Variants in HIVEP1 observed in about 807,000 individuals in gnomAD.
The protein encoded by HIVEP1 is zinc finger protein 40.
In HIVEP1, 36 loss-of-function variants were observed where a neutral mutation model predicts 180.0. That is an observed-to-expected ratio of 0.20 (90% CI 0.15 to 0.26). The LOEUF is 0.26. Among genes scored for constraint, HIVEP1 ranks in the 10% least tolerant of loss-of-function variants. The pLI is 1.00. For synonymous variants in HIVEP1, 1,239 were observed against 1,239.0 expected (o/e 1.00, Z 0.00); for missense variants, 3,143 against 3,268.7 (o/e 0.96, Z 0.94).
intron 7 of HIVEP1, among the ~76,000 whole-genome samples, chr6:12,158,610 A>G (rs1760203259): frequency 6.6e-6 from 1 of 151,738 alleles, no homozygotes; most frequent in African/African-American, 2.4e-5. Flanking sequence ...TACCTGCACC[A>G]TTTTCTTAGG....
chr6:12,133,181 A>T (rs1164792434), intron 6 of HIVEP1, among the ~76,000 whole-genome samples: 1 of 152,184 alleles, frequency 6.6e-6, no homozygotes, highest in Admixed American at 6.5e-5. Flanking sequence ...ATAATTCATT[A>T]TTTGCCCTCT....
chr6:12,117,924 C>T (rs558600265), intron 3 of HIVEP1, among the ~76,000 whole-genome samples: 1 of 152,282 alleles, frequency 6.6e-6, no homozygotes, highest in South Asian at 2.1e-4. Flanking sequence ...TTCACTTTGC[C>T]TACTTGCCTG....
At chr6:12,195,665 T>C in the HIVEP1 span, among the ~76,000 whole-genome samples, 4 of 22,828 alleles carry the variant, frequency 1.8e-4, no homozygotes, top group African/African-American at 3.2e-4. Flanking sequence ...ATACAGAATT[T>C]AACTACTGGT....
Position 12,122,956 on chromosome 6 carries a change from G to T in HIVEP1, c.3161G>T (p.Ser1054Ile). The T allele has an allele frequency of 6.2e-7, 1 of 1,614,000 alleles. No individual in the cohort carries two copies. Among genetic ancestry groups the T allele is most frequent in the South Asian group, 1.1e-5 (1 of 91,084 alleles). Reference sequence around the variant, plus strand: ...AATGAAAGTGGAACATCTCCAAAAAGTTCTGAAGGCCTTCAGTTTCAGAAT... The same window carrying T: ...AATGAAAGTGGAACATCTCCAAAAATTTCTGAAGGCCTTCAGTTTCAGAAT... ...QQNESGTSPK[S>I]SEGLQFQNAL... Residue 1054 changes from serine (S) to isoleucine (I), a missense_variant, in exon 4 of 9, where the codon AGT becomes ATT. Around this residue, in one of 12 missense-constraint regions of HIVEP1, gnomAD observed 1,357 missense variants for 1,260.5 expected, o/e 1.08. Transcript: ENST00000379388.
intron 2 of HIVEP1, among the ~76,000 whole-genome samples, chr6:12,021,014 C>G (rs1768162139): frequency 6.6e-6 from 1 of 151,786 alleles, no homozygotes; most frequent in African/African-American, 2.4e-5. Context: ...CCTCAGCCTC[C>G]CAAGTAGCTG....
intron 2 of HIVEP1, among the ~76,000 whole-genome samples, chr6:12,053,894 A>C (rs1331230691): frequency 6.6e-6 from 1 of 152,196 alleles, no homozygotes; most frequent in Admixed American, 6.5e-5. Flanking sequence ...ACTTAAGGTC[A>C]TTATTTTTTT....
intron 5 of HIVEP1, among the ~76,000 whole-genome samples, chr6:12,130,215 A>G (rs1357949105): frequency 6.6e-6 from 1 of 152,254 alleles, no homozygotes; most frequent in Non-Finnish European, 1.5e-5. Flanking sequence ...TTCATTGCCC[A>G]TTAGATATCT....
rs776660334 is a variant in HIVEP1, at chr6:12,161,773, G to A, written c.6822G>A (p.Pro2274=). The A allele has an allele frequency of 1.7e-5, 28 of 1,614,046 alleles. No individual in the cohort carries two copies. The highest frequency in any genetic ancestry group is 1.2e-4 in the Admixed American group (7 of 60,002). Residue 2274 remains proline (P), a synonymous_variant, in exon 8 of 9, where the codon CCG becomes CCA. Transcript: ENST00000379388. The part of the protein sequence containing the change: ...QSDYNRKTLS[P]GKARQRAARD... ...ACTACAATAGGAAGACACTCTCTCC[G>A]GGGAAGGCCAGGCAGCGTGCTGCGA...
chr6:12,057,872 T>TG (rs1392803021), intron 2 of HIVEP1, among the ~76,000 whole-genome samples: 1 of 152,218 alleles, frequency 6.6e-6, no homozygotes, highest in Non-Finnish European at 1.5e-5. Context: ...TGAAGAATAG[T>TG]GTGCATCATT....
chr6:12,165,417 G>A, downstream of HIVEP1, among the ~76,000 whole-genome samples: 1 of 152,062 alleles, frequency 6.6e-6, no homozygotes, highest in Non-Finnish European at 1.5e-5. Flanking sequence ...GTGGGCTATG[G>A]GCTCTTCTTT....
At chr6:12,100,618 G>C (rs1774062284) in intron 3 of HIVEP1, among the ~76,000 whole-genome samples, 1 of 152,170 alleles carries the variant, frequency 6.6e-6, no homozygotes, top group African/African-American at 2.4e-5. Context: ...ATATAAATTT[G>C]AAAGACTCAG....
intron 3 of HIVEP1, among the ~76,000 whole-genome samples, chr6:12,101,511 T>G (rs1328028147): frequency 6.6e-6 from 1 of 152,020 alleles, no homozygotes; most frequent in Admixed American, 6.5e-5. Flanking sequence ...TAAACCTCAC[T>G]GGAATTAAGT....
At chr6:12,019,049 A>G (rs1275804237) in intron 2 of HIVEP1, among the ~76,000 whole-genome samples, 1 of 152,226 alleles carries the variant, frequency 6.6e-6, no homozygotes, top group Admixed American at 6.5e-5. Flanking sequence ...TTGTTTGACT[A>G]AGGTAGTTAA....
At chr6:12,193,688 A>T in the HIVEP1 span, among the ~76,000 whole-genome samples, 2 of 152,324 alleles carry the variant, frequency 1.3e-5, no homozygotes, top group East Asian at 3.9e-4. Flanking sequence ...ACAAGCTAAG[A>T]CACTACAGAT....
At chr6:12,042,528 T>G (rs1417144937) in intron 2 of HIVEP1, among the ~76,000 whole-genome samples, 12 of 151,538 alleles carry the variant, frequency 7.9e-5, no homozygotes, top group Non-Finnish European at 1.6e-4. Context: ...TGCTTTTATT[T>G]TTATAATATA....
At chr6:12,055,214 C>T (rs919847902) in intron 2 of HIVEP1, among the ~76,000 whole-genome samples, 3 of 152,220 alleles carry the variant, frequency 2.0e-5, no homozygotes, top group Non-Finnish European at 4.4e-5. Context: ...GTGGCTCACG[C>T]CTGTAATCCC....
At chr6:12,143,769 G>A (rs756375830) in intron 7 of HIVEP1, among the ~76,000 whole-genome samples, 23 of 152,172 alleles carry the variant, frequency 1.5e-4, no homozygotes, top group Admixed American at 1.4e-3. Flanking sequence ...CAAATCATGA[G>A]TGAACTCCCA....
the HIVEP1 span, among the ~76,000 whole-genome samples, chr6:12,183,910 A>G: frequency 6.6e-6 from 1 of 152,166 alleles, no homozygotes; most frequent in South Asian, 2.1e-4. Flanking sequence ...AATTTCAGAT[A>G]ATTAAACTCA....
At chr6:12,116,467 ATTC>A (rs747873083) in intron 3 of HIVEP1, among the ~76,000 whole-genome samples, 15 of 151,936 alleles carry the variant, frequency 9.9e-5, no homozygotes, top group African/African-American at 3.6e-4. Flanking sequence ...ATAGTGCAGT[ATTC>A]TTCTCACATA....
Sources: gnomAD v4.1 joint callset for allele counts (sites outside exome capture counted in the v4.1 genomes callset) on GRCh38, gnomAD v4.1.1 for gene constraint, gnomAD v4.1.1 regional missense constraint, MANE v1.5 for transcripts, NCBI Gene and HGNC (gene_info 2026-07-23, HGNC 2026-07-21) for gene names.